The following RHOC variants were observed in gnomAD, a reference collection of about 807,000 sequenced individuals.
RHOC encodes the protein rho-related GTP-binding protein RhoC.
RHOC carries 13 observed loss-of-function variants against 19.5 expected under a neutral mutation model. That is an observed-to-expected ratio of 0.67 (90% CI 0.43 to 1.06). The LOEUF (loss-of-function observed/expected upper bound fraction) is 1.06. RHOC is among the 50% of genes least tolerant of loss of function. The pLI is 0.00. For missense variants in RHOC, 173 were observed against 256.9 expected, an observed-to-expected ratio of 0.67 and a Z score of 2.23; for synonymous variants, 106 against 97.3, an observed-to-expected ratio of 1.09 and a Z score of -0.52.
At chr1:112,701,753 A>G (rs1394369458) in intron 5 of RHOC, 40 bp from the exon 6 acceptor site, 3 of 1,603,360 alleles carry the variant, frequency 1.9e-6, no homozygotes, top group Non-Finnish European at 2.6e-6. Context: ...GAAGCTGTTG[A>G]CTACATGAAC....
chr1:112,706,460 CA>C (rs1557780576), intron 1 of RHOC, among the ~76,000 whole-genome samples: 3 of 21,568 alleles, frequency 1.4e-4, no homozygotes, highest in African/African-American at 2.0e-4. Context: ...CACACACACA[CA>C]CACCACACAC....
intron 1 of RHOC, among the ~76,000 whole-genome samples, chr1:112,706,479 CACA>C (rs1674877208): frequency 7.4e-4 from 3 of 4,070 alleles, no homozygotes; most frequent in Non-Finnish European, 2.4e-3. Flanking sequence ...CACACACACA[CACA>C]CACACACACA....
At chr1:112,701,860 C>T (rs1317069418) in intron 5 of RHOC, 147 bp from the exon 6 acceptor site, 1 of 767,408 alleles carries the variant, frequency 1.3e-6, no homozygotes, top group African/African-American at 1.8e-5. Context: ...CCCTGGGCAG[C>T]TTCGTGGCCA....
Position 112,703,755 on chromosome 1 carries a change from G to C in RHOC, c.45C>G (p.Ala15=), listed in dbSNP as rs1458833055. 2 of 1,613,006 alleles carry C rather than the reference G, an allele frequency of 1.2e-6. No individual in the cohort carries two copies. The highest frequency in any genetic ancestry group is 1.3e-5 in the African/African-American group (1 of 75,022). Residue 15 remains alanine (A), a synonymous_variant, in exon 3 of 6, where the codon GCC becomes GCG. Coordinates refer to ENST00000339083, the MANE Select transcript of RHOC (RefSeq NM_175744.5). ...CGATGAGGAGGCAGGTCTTCCCACA[G>C]GCACCATCCCCAACGATCACCAGCT... ...RKKLVIVGDG[A]CGKTCLLIVF...
Position 112,701,349 on chromosome 1 carries a change from C to A in RHOC, c.*191G>T. 7.4e-6 allele frequency: 11 copies of A among 1,485,328 alleles called. No individual in the cohort carries two copies. The highest frequency in any genetic ancestry group is 1.3e-5 in the South Asian group (1 of 74,940). The allele number at this position is 1,485,328 out of a possible 1,614,324, so 92.0% of individuals were successfully genotyped here. On this transcript the variant is annotated 3_prime_UTR_variant, in exon 6 of 6. Coordinates refer to ENST00000339083, the MANE Select transcript of RHOC (RefSeq NM_175744.5). ...GCCCTGAGGAAGGGCAGGGCATAGG[C>A]GTGGCTCCCAGAGCGCTGGGAGGGA...
chr1:112,704,147 G>C (rs1313909272), intron 2 of RHOC: 1 of 251,292 alleles, frequency 4.0e-6, no homozygotes, highest in Non-Finnish European at 7.7e-6. Flanking sequence ...GACGTCCAGG[G>C]AGCAAGCTTC....
At chr1:112,707,297 C>G (rs1172515881), upstream of RHOC, 4 of 152,132 alleles carry the variant, frequency 2.6e-5, no homozygotes, top group Admixed American at 2.6e-4. Flanking sequence ...GGGGCGTCCA[C>G]CCCTCCAGGT....
Position 112,703,652 on chromosome 1 carries a change from C to T in RHOC, c.148G>A (p.Gly50Ser), listed in dbSNP as rs142648390. 1.4e-4 allele frequency: 231 copies of T among 1,612,216 alleles called. 1 individual carries two copies. In the East Asian group the frequency reaches 4.9e-3, roughly 34 times the overall value. Residue 50 changes from glycine (G) to serine (S), a missense_variant, in exon 3 of 6, where the codon GGC (glycine) becomes AGC (serine). Gly to Ser is a moderately conservative substitution (Grantham distance 56). Coordinates refer to ENST00000339083, the MANE Select transcript of RHOC (RefSeq NM_175744.5). ...ENYIADIEVD[G>S]KQVELALWDT... ...GGCATTTCTGCCTTCACCTGCTTGCCGTCCACCTCAATGTCCGCAATATAG... is the reference window on the plus strand; with the variant it reads ...GGCATTTCTGCCTTCACCTGCTTGCTGTCCACCTCAATGTCCGCAATATAG...
intron 1 of RHOC, among the ~76,000 whole-genome samples, chr1:112,706,480 A>ACCACACACACACACACCCCCACAC (rs1557780720): frequency 4.1e-4 from 3 of 7,396 alleles, no homozygotes; most frequent in Admixed American, 1.7e-3. Flanking sequence ...ACACACACAC[A>ACCACACACACACACACCCCCACAC]CACACACACA....
At chr1:112,703,312 A>C in intron 3 of RHOC, 193 bp from the exon 4 acceptor site, 1 of 734,604 alleles carries the variant, frequency 1.4e-6, no homozygotes. Flanking sequence ...GACGTGTTTG[A>C]CCCTTGAGTT....
chr1:112,706,507 CA>C (rs773687834), intron 1 of RHOC, among the ~76,000 whole-genome samples: 4 of 65,122 alleles, frequency 6.1e-5, no homozygotes, highest in Non-Finnish European at 1.0e-4. Context: ...CACACACACA[CA>C]CACACACACA....
At chr1:112,704,793 A>C in intron 2 of RHOC, 1 of 370,440 alleles carries the variant, frequency 2.7e-6, no homozygotes, top group Non-Finnish European at 5.0e-6. Flanking sequence ...TGCCAGCAAC[A>C]CTGGGTCACT....
At chr1:112,704,010 TG>T (rs963328384) in intron 2 of RHOC, among the ~76,000 whole-genome samples, 1 of 152,124 alleles carries the variant, frequency 6.6e-6, no homozygotes, top group Non-Finnish European at 1.5e-5. Context: ...TCTCCCTCGA[TG>T]GGTTAGAATA....
chr1:112,706,537 C>T (rs888684660), intron 1 of RHOC, among the ~76,000 whole-genome samples: 7 of 137,178 alleles, frequency 5.1e-5, no homozygotes, highest in Non-Finnish European at 9.4e-5. Context: ...CACACACACA[C>T]AGAGTTGGAT....
At chr1:112,705,771 G>A (rs1270280118) in intron 1 of RHOC, 3 of 424,768 alleles carry the variant, frequency 7.1e-6, no homozygotes, top group Non-Finnish European at 1.4e-5. Context: ...CCCCAACCTG[G>A]GGTGGGCAGT....
chr1:112,704,577 GCCTC>G, intron 2 of RHOC: 1 of 169,472 alleles, frequency 5.9e-6, no homozygotes, highest in Non-Finnish European at 1.3e-5. Context: ...TCAAAGTCGT[GCCTC>G]TTCGACATGT....
chr1:112,704,779 G>A (rs1314558419), intron 2 of RHOC: 2 of 321,834 alleles, frequency 6.2e-6, no homozygotes, highest in Non-Finnish European at 1.2e-5. Context: ...CTTCCTCCTA[G>A]GCCTGCCAGC....
In RHOC at chr1:112,703,175, AG is replaced by A. The variant is rs1674716853; in HGVS notation, c.157-57del. The A allele has an allele frequency of 3.1e-6, 5 of 1,604,352 alleles. No homozygotes were observed. The Admixed American group carries it at 5.1e-5, about 16-fold the overall frequency. Reference sequence around the variant, plus strand: ...TGAGGGCCCCAACCCTGCCACCCAAAGGTCCCCTGAAACCACTGTCCTTCGG... The same window carrying A: ...TGAGGGCCCCAACCCTGCCACCCAAAGTCCCCTGAAACCACTGTCCTTCGG... On this transcript the variant is annotated intron_variant, in intron 3 of 5. Coordinates refer to ENST00000339083, the MANE Select transcript of RHOC (RefSeq NM_175744.5).
At chr1:112,702,835 T>A in intron 4 of RHOC, 142 bp from the exon 5 acceptor site, 1 of 1,361,104 alleles carries the variant, frequency 7.3e-7, no homozygotes, top group Non-Finnish European at 1.0e-6. Flanking sequence ...TCAACAGTAG[T>A]ATGCCCTCAG....
Sources: allele counts gnomAD v4.1 joint callset (sites outside exome capture counted in the v4.1 genomes callset), GRCh38; gene constraint gnomAD v4.1.1; transcripts MANE v1.5; gene names NCBI Gene and HGNC (gene_info 2026-07-23, HGNC 2026-07-21).